EFCAB8: variants seen among roughly 807,000 people sequenced by gnomAD.
EFCAB8 encodes EF-hand calcium-binding domain-containing protein 8.
Under a neutral mutation model 116.3 loss-of-function variants are expected in EFCAB8, and 100 were observed. The ratio of observed to expected loss-of-function variants is 0.86; its 90% CI spans 0.73 to 1.02. The LOEUF is 1.02. Among genes scored for constraint, EFCAB8 ranks in the 50% least tolerant of loss-of-function variants. EFCAB8 has a pLI of 0.00. For synonymous variants in EFCAB8, 558 were observed against 567.9 expected (o/e 0.98, Z 0.25); for missense variants, 1,320 against 1,416.9 (o/e 0.93, Z 1.10).
chr20:32,917,354 C>A lies in EFCAB8; in HGVS notation c.1910C>A (p.Thr637Lys). 3 of 1,551,796 alleles carry A rather than the reference C, an allele frequency of 1.9e-6. No individual in the cohort carries two copies. The highest frequency in any genetic ancestry group is 2.6e-6 in the Non-Finnish European group (3 of 1,147,008). Residue 637 changes from threonine to lysine, a missense_variant, in exon 18 of 27, where the codon ACG becomes AAG. By Grantham distance (78) the Thr-to-Lys change is moderately conservative (BLOSUM62 -1). Transcript: ENST00000400522. ...TGCTACCACTGGCAGACCTACCACA[C>A]GGAGGACATCCTGAGCATGGCCAAG... ...LLCYHWQTYH[T>K]EDILSMAKYR...
intron 23 of EFCAB8, among the ~76,000 whole-genome samples, chr20:32,958,149 C>T (rs1161039774): frequency 6.6e-6 from 1 of 152,148 alleles, no homozygotes; most frequent in Non-Finnish European, 1.5e-5. Context: ...CAGTCACTGC[C>T]ATAGTACTCT....
intron 9 of EFCAB8, among the ~76,000 whole-genome samples, chr20:32,894,324 C>T (rs761954215): frequency 2.0e-5 from 3 of 152,226 alleles, no homozygotes; most frequent in Admixed American, 1.3e-4. Flanking sequence ...GCTGGCAGAG[C>T]AGGGACAGAT....
Position 32,943,632 on chromosome 20 carries a change from A to G in EFCAB8, c.2791-4A>G. ...AAGTGTTTCTCCTGTACTGTCCCCT[A>G]TAGGTTGTGGCTGGCCATACCATTT... On this transcript the variant is annotated splice_polypyrimidine_tract_variant and splice_region_variant and intron_variant, in intron 22 of 26. Transcript: ENST00000400522. The G allele has an allele frequency of 2.4e-6, 1 of 416,964 alleles. No individual in the cohort carries two copies. Among genetic ancestry groups the G allele is most frequent in the Non-Finnish European group, 4.4e-6 (1 of 226,526 alleles). The allele number at this position is 416,964 out of a possible 1,614,324, so 25.8% of individuals were successfully genotyped here.
At chr20:32,903,530 TG>T (rs1180279056) in intron 11 of EFCAB8, 1 of 152,256 alleles carries the variant, frequency 6.6e-6, no homozygotes, top group African/African-American at 2.4e-5. Context: ...AGGAAATCTT[TG>T]TTGATCAATA....
rs1160869804 is a variant in EFCAB8 at position 32,893,097 on chromosome 20, T to G, written c.759-77T>G. 5.2e-6 allele frequency: 8 copies of G among 1,528,014 alleles called. No individual in the cohort carries two copies. In the South Asian group the frequency reaches 8.5e-5, roughly 16 times the overall value. 94.7% of individuals were successfully genotyped at this position (1,528,014 alleles called of 1,614,324 possible). On this transcript the variant is annotated intron_variant, in intron 8 of 26. Coordinates refer to ENST00000400522, the MANE Select transcript of EFCAB8 (RefSeq NM_001143967.2). The stretch of plus-strand genomic sequence containing the variant: ...CTCAGGTGATTAACCTACCTTGGCC[T>G]CCCAGAGTGCTGGTCTTACAGGTGT...
chr20:32,868,463 A>T (rs1386810818), intron 3 of EFCAB8, among the ~76,000 whole-genome samples: 3 of 152,222 alleles, frequency 2.0e-5, no homozygotes, highest in African/African-American at 7.2e-5. Context: ...GAAAATTTTT[A>T]AAAATACCCC....
intron 9 of EFCAB8, 76 bp from the exon 10 acceptor site, chr20:32,896,378 G>A: frequency 1.4e-6 from 1 of 695,464 alleles, no homozygotes; most frequent in Non-Finnish European, 2.7e-6. Context: ...GCCAACTCAA[G>A]ACGTCTTCTG....
rs75006708 is a variant in EFCAB8, at chr20:32,961,241, C to T, written c.3499C>T (p.Arg1167Cys). 6,418 of 1,551,634 alleles carry T rather than the reference C, an allele frequency of 4.1e-3. 202 individuals carry two copies. In the African/African-American group the frequency reaches 0.07, roughly 17 times the overall value. ...CCCAGACCAGCAAGACCAGCACATC[C>T]GCCTGGTGGCCCACCATGTCCAGAA... ...RGPDQQDQHI[R>C]LVAHHVQKDL... Residue 1167 changes from arginine to cysteine, a missense_variant, in exon 27 of 27, where the codon CGC (arginine) becomes TGC (cysteine). By Grantham distance (180) the Arg-to-Cys change is radical. Transcript: ENST00000400522.
rs369120371 is a variant in EFCAB8, at chr20:32,906,942, T to A, written c.1256T>A (p.Ile419Asn). 569 of 1,546,530 alleles carry A rather than the reference T, an allele frequency of 3.7e-4. No individual in the cohort carries two copies. Among genetic ancestry groups the A allele is most frequent in the Middle Eastern group, 1.3e-3 (8 of 5,948 alleles). Residue 419 changes from isoleucine (I) to asparagine (N), a missense_variant, in exon 13 of 27, where the codon ATC (isoleucine) becomes AAC (asparagine). By Grantham distance (149) the Ile-to-Asn change is moderately radical (BLOSUM62 -3). Transcript: ENST00000400522. ...GGACACCAGACCTCAGTGACGCACA[T>A]CCTTGTGGATAGCAGGAACAACAGC... ...MKGHQTSVTH[I>N]LVDSRNNSIL...
intron 23 of EFCAB8, among the ~76,000 whole-genome samples, chr20:32,956,413 A>G (rs1414546012): frequency 2.0e-5 from 3 of 152,060 alleles, no homozygotes; most frequent in East Asian, 3.9e-4. Flanking sequence ...AGAAATTCCT[A>G]TTTCTTATAG....
At chr20:32,959,132 G>T (rs1271462724) in intron 24 of EFCAB8, among the ~76,000 whole-genome samples, 2 of 152,184 alleles carry the variant, frequency 1.3e-5, no homozygotes, top group African/African-American at 4.8e-5. Context: ...CTTGTGCTAG[G>T]TTCTAGAAAT....
intron 23 of EFCAB8, among the ~76,000 whole-genome samples, chr20:32,956,831 T>C (rs968246183): frequency 2.0e-5 from 3 of 152,148 alleles, no homozygotes; most frequent in Non-Finnish European, 2.9e-5. Context: ...CATTCAGATA[T>C]TATCTCTTCA....
chr20:32,899,298 G>A (rs968879342), intron 11 of EFCAB8, among the ~76,000 whole-genome samples: 9 of 150,966 alleles, frequency 6.0e-5, no homozygotes, highest in Admixed American at 2.6e-4. Flanking sequence ...CCAGCTACTC[G>A]GGAGGCTGAG....
chr20:32,921,393 T>TGTGTGTG (rs752656858), intron 20 of EFCAB8, among the ~76,000 whole-genome samples: 254 of 107,536 alleles, frequency 2.4e-3, no homozygotes, highest in Middle Eastern at 0.012. Flanking sequence ...GTGTGTGTGT[T>TGTGTGTG]TTTGTAGAGA....
At position 32,886,157 on chromosome 20, in the gene EFCAB8, A is replaced by G. The variant is rs779675714; in HGVS notation, c.567+517A>G. 2.0e-5 allele frequency among the ~76,000 whole-genome samples: 3 copies of G among 151,340 alleles called. No individual in the cohort carries two copies. In the East Asian group the frequency reaches 5.8e-4, roughly 29 times the overall value. The stretch of plus-strand genomic sequence containing the variant: ...CTGTGACCTGGACAAGGTACTATAT[A>G]CTCCCTGTGCCTCAGTTTTCCCATC... On this transcript the variant is annotated intron_variant, in intron 6 of 26. Transcript: ENST00000400522.
chr20:32,866,520 G>A (rs1244515037), intron 2 of EFCAB8, among the ~76,000 whole-genome samples: 1 of 151,920 alleles, frequency 6.6e-6, no homozygotes, highest in African/African-American at 2.4e-5. Flanking sequence ...GGAGGGGTGG[G>A]GAAGGCTTCT....
intron 3 of EFCAB8, among the ~76,000 whole-genome samples, chr20:32,869,200 A>G (rs1365345821): frequency 2.0e-5 from 3 of 152,186 alleles, no homozygotes; most frequent in African/African-American, 4.8e-5. Flanking sequence ...GGCTCAAGCC[A>G]ACAACAGGGA....
intron 4 of EFCAB8, among the ~76,000 whole-genome samples, chr20:32,878,407 AC>A (rs35092353): frequency 0.028 from 4,298 of 151,398 alleles, 94 homozygotes; most frequent in Non-Finnish European, 0.043. Flanking sequence ...TTGCTTGGCC[AC>A]CTGCCCTGGC....
rs1985158533 is a variant in EFCAB8, at chr20:32,878,901, G to C, written c.431+94G>C. On this transcript the variant is annotated intron_variant, in intron 5 of 26. Coordinates refer to ENST00000400522, the MANE Select transcript of EFCAB8 (RefSeq NM_001143967.2). ...AGCCCCTCCCTCAATCCGTGACCTT[G>C]CTGGTGCTGACCAGGGGCTGGCATC... 21 of 1,104,940 alleles carry C rather than the reference G, an allele frequency of 1.9e-5. No homozygotes were observed. The South Asian group carries it at 2.8e-4, about 15-fold the overall frequency. The allele number at this position is 1,104,940 out of a possible 1,614,324, so 68.4% of individuals were successfully genotyped here. A position where few individuals can be genotyped will look rare whatever the true frequency, so the allele number is the denominator to read the frequency against.
Sources: allele counts gnomAD v4.1 joint callset (sites outside exome capture counted in the v4.1 genomes callset), GRCh38; gene constraint gnomAD v4.1.1; transcripts MANE v1.5; gene names NCBI Gene and HGNC (gene_info 2026-07-23, HGNC 2026-07-21).